The following ARK2C variants were observed in gnomAD, a reference collection of about 807,000 sequenced individuals.
ARK2C encodes E3 ubiquitin-protein ligase ARK2C.
At chr18:46,455,695 G>T in the ARK2C span, among the ~76,000 whole-genome samples, 2 of 152,078 alleles carry the variant, frequency 1.3e-5, no homozygotes, top group Non-Finnish European at 2.9e-5. Flanking sequence ...AATTAGCCAG[G>T]CATGATGGCA....
At chr18:46,346,985 G>A in the ARK2C span, among the ~76,000 whole-genome samples, 2 of 152,220 alleles carry the variant, frequency 1.3e-5, no homozygotes, top group Non-Finnish European at 2.9e-5. Flanking sequence ...TGGAGAATGG[G>A]CAACAAGAAT....
chr18:46,406,281 G>A, the ARK2C span, among the ~76,000 whole-genome samples: 1 of 152,208 alleles, frequency 6.6e-6, no homozygotes. Flanking sequence ...TCACGGGACT[G>A]GATGCCCCGG....
chr18:46,382,658 T>C, the ARK2C span, among the ~76,000 whole-genome samples: 1 of 152,160 alleles, frequency 6.6e-6, no homozygotes. Flanking sequence ...ATTGTCCATC[T>C]CCTCTGATGT....
chr18:46,361,191 A>G, the ARK2C span, among the ~76,000 whole-genome samples: 9 of 152,114 alleles, frequency 5.9e-5, no homozygotes, highest in Non-Finnish European at 1.2e-4. Flanking sequence ...AACTCCTTAG[A>G]GCCTTTGGGT....
the ARK2C span, chr18:46,336,302 T>C: frequency 2.0e-6 from 2 of 985,430 alleles, no homozygotes; most frequent in South Asian, 4.7e-5. Context: ...TGCAGGATGC[T>C]GATTCCATGT....
the ARK2C span, chr18:46,460,337 A>C: frequency 1.3e-5 from 2 of 152,526 alleles, no homozygotes; most frequent in Non-Finnish European, 2.9e-5. Context: ...CGTAGAGCAA[A>C]TGCTAGAGCG....
the ARK2C span, among the ~76,000 whole-genome samples, chr18:46,348,900 C>CTGTGTG: frequency 2.8e-4 from 41 of 144,688 alleles, no homozygotes; most frequent in Middle Eastern, 3.5e-3. Context: ...CTCTCTCTTT[C>CTGTGTG]TGTGTGTGTG....
At chr18:46,355,671 A>G in the ARK2C span, among the ~76,000 whole-genome samples, 1 of 152,008 alleles carries the variant, frequency 6.6e-6, no homozygotes, top group South Asian at 2.1e-4. Context: ...CACAATCTCT[A>G]AGTGCCCCTG....
At chr18:46,435,140 T>G in the ARK2C span, 1 of 618,466 alleles carries the variant, frequency 1.6e-6, no homozygotes. Flanking sequence ...TTGTCAAGAG[T>G]GGTGAAGCTC....
At chr18:46,379,848 T>C in the ARK2C span, among the ~76,000 whole-genome samples, 1 of 152,228 alleles carries the variant, frequency 6.6e-6, no homozygotes, top group Non-Finnish European at 1.5e-5. Context: ...AGGGTGCCCC[T>C]TGCTAAACTC....
chr18:46,343,482 C>T, the ARK2C span, among the ~76,000 whole-genome samples: 12 of 152,162 alleles, frequency 7.9e-5, no homozygotes, highest in African/African-American at 2.9e-4. Context: ...CCAAAGGCGA[C>T]AGTGAAGATC....
chr18:46,407,200 C>T, the ARK2C span, among the ~76,000 whole-genome samples: 1 of 152,106 alleles, frequency 6.6e-6, no homozygotes, highest in African/African-American at 2.4e-5. Context: ...CTTCTGCTCC[C>T]CTTTCTGGGG....
the ARK2C span, among the ~76,000 whole-genome samples, chr18:46,420,462 C>T: frequency 1.1e-4 from 16 of 152,214 alleles, no homozygotes; most frequent in African/African-American, 1.4e-4. Flanking sequence ...GGGGCCCCAT[C>T]GAAGTGGCTT....
the ARK2C span, among the ~76,000 whole-genome samples, chr18:46,393,221 G>A: frequency 6.6e-6 from 1 of 152,222 alleles, no homozygotes; most frequent in East Asian, 1.9e-4. Context: ...ACTTTGCCAA[G>A]AGGTTATGAC....
the ARK2C span, among the ~76,000 whole-genome samples, chr18:46,428,149 G>A: frequency 5.3e-5 from 8 of 152,164 alleles, no homozygotes; most frequent in South Asian, 2.1e-4. Context: ...AGTGGCTCAC[G>A]TCTGTAATCC....
At chr18:46,442,181 A>G in the ARK2C span, among the ~76,000 whole-genome samples, 1 of 151,912 alleles carries the variant, frequency 6.6e-6, no homozygotes, top group African/African-American at 2.4e-5. Context: ...AAAAAAGAAA[A>G]AGAAAATAGC....
At chr18:46,419,376 G>A in the ARK2C span, among the ~76,000 whole-genome samples, 8 of 152,210 alleles carry the variant, frequency 5.3e-5, no homozygotes, top group African/African-American at 1.4e-4. Flanking sequence ...TGGGGGAGGA[G>A]GTGGGGGAAC....
chr18:46,350,237 C>G, the ARK2C span, among the ~76,000 whole-genome samples: 2 of 152,228 alleles, frequency 1.3e-5, no homozygotes, highest in Non-Finnish European at 2.9e-5. Flanking sequence ...AGATGCAGGC[C>G]TTATCTAGGA....
the ARK2C span, among the ~76,000 whole-genome samples, chr18:46,370,333 A>T: frequency 1.3e-5 from 2 of 152,220 alleles, no homozygotes; most frequent in Non-Finnish European, 2.9e-5. Context: ...CTTGTCCAAG[A>T]TAAGACTAAT....
Sources: allele counts gnomAD v4.1 joint callset (sites outside exome capture counted in the v4.1 genomes callset), GRCh38; gene constraint gnomAD v4.1.1; transcripts MANE v1.5; gene names NCBI Gene and HGNC (gene_info 2026-07-23, HGNC 2026-07-21).